Variants in HMMR observed in about 807,000 individuals in gnomAD.
HMMR encodes intracellular hyaluronic acid-binding protein.
Under a neutral mutation model 101.0 loss-of-function variants are expected in HMMR, and 108 were observed. The observed-to-expected ratio is 1.07, with a 90% CI of 0.92 to 1.25. The LOEUF (loss-of-function observed/expected upper bound fraction) is 1.25, where lower values mean the gene tolerates loss of function less well. HMMR is among the 50% of genes most tolerant of loss of function. The pLI is 0.00. For missense variants in HMMR, 813 were observed against 788.7 expected (o/e 1.03, Z -0.37); for synonymous variants, 296 against 276.4 (o/e 1.07, Z -0.70).
chr5:163,481,362 G>A (rs929927517), intron 12 of HMMR, among the ~76,000 whole-genome samples: 2 of 151,168 alleles, frequency 1.3e-5, no homozygotes, highest in African/African-American at 2.4e-5. Context: ...TTCCCTTCTC[G>A]TTAGTTTGAA....
chr5:163,469,893 C>A, intron 5 of HMMR, 64 bp downstream of exon 5: 4 of 1,094,812 alleles, frequency 3.7e-6, no homozygotes, highest in Non-Finnish European at 5.3e-6. Flanking sequence ...TAGGGCCGGG[C>A]ACGGTGGCTC....
chr5:163,478,924 C>T (rs746413486), intron 12 of HMMR, 124 bp downstream of exon 12: 9 of 582,160 alleles, frequency 1.5e-5, no homozygotes, highest in Non-Finnish European at 2.8e-5. Flanking sequence ...ATTCCATAAT[C>T]ACCAACCGTA....
rs758058682 is a variant in HMMR at position 163,473,268 on chromosome 5, A to G, written c.725+15A>G. ...GAAGAAATTAGGTAATATGAGCAGT[A>G]GCTTTAAATTGAACCTTATTTTTTT... On this transcript the variant is annotated intron_variant, in intron 8 of 17. Transcript: ENST00000393915. The G allele has an allele frequency of 4.0e-6, 6 of 1,514,492 alleles. No individual in the cohort carries two copies. The highest frequency in any genetic ancestry group is 4.6e-6 in the Non-Finnish European group (5 of 1,098,472). 93.8% of individuals were successfully genotyped at this position (1,514,492 alleles called of 1,614,324 possible).
rs1191135455 is a variant in HMMR at position 163,471,230 on chromosome 5, G to C, written c.508G>C (p.Glu170Gln). 1 of 1,612,972 alleles carries C rather than the reference G, an allele frequency of 6.2e-7. No individual in the cohort carries two copies. Among genetic ancestry groups the C allele is most frequent in the African/African-American group, 1.3e-5 (1 of 74,902 alleles). ...NQKNLRILSLELMKLRNKRET... is the reference protein window; with the variant it reads ...NQKNLRILSLQLMKLRNKRET... ...GAAGAATTTGAGAATTCTAAGCTTG[G>C]AGTTGATGAAACTTAGAAACAAAAG... Residue 170 changes from glutamate to glutamine, a missense_variant, in exon 6 of 18, where the codon GAG becomes CAG. Coordinates refer to ENST00000393915, the MANE Select transcript of HMMR (RefSeq NM_001142556.2).
rs1758889892 is a variant in HMMR, at chr5:163,471,467, A to G, written c.650+4A>G. 1 of 1,581,412 alleles carries G rather than the reference A, an allele frequency of 6.3e-7. No homozygotes were observed. Among genetic ancestry groups the G allele is most frequent in the Non-Finnish European group, 8.7e-7 (1 of 1,150,954 alleles). On this transcript the variant is annotated splice_donor_region_variant and intron_variant, in intron 7 of 17. Coordinates refer to ENST00000393915, the MANE Select transcript of HMMR (RefSeq NM_001142556.2). ...TAGCCCAACTGGAGGGAAAACTGTA[A>G]GTGAGTGAATGTGAAGAGAAATTGT... is the stretch of plus-strand genomic sequence containing the variant.
chr5:163,490,008 T>G (rs1759629353), intron 16 of HMMR, among the ~76,000 whole-genome samples: 1 of 152,222 alleles, frequency 6.6e-6, no homozygotes, highest in Non-Finnish European at 1.5e-5. Context: ...TCATTTGCTA[T>G]TTTTCCCTTA....
intron 10 of HMMR, among the ~76,000 whole-genome samples, chr5:163,475,239 G>A (rs937497413): frequency 1.2e-4 from 19 of 152,024 alleles, no homozygotes; most frequent in Middle Eastern, 3.4e-3. Flanking sequence ...CTGCATGTGC[G>A]TTGCATAGAA....
At chr5:163,473,128 T>C (rs781496187) in intron 7 of HMMR, 51 bp from the exon 8 acceptor site, 1 of 954,980 alleles carries the variant, frequency 1.0e-6, no homozygotes, top group South Asian at 1.4e-5. Flanking sequence ...TTATGTAAGA[T>C]TATTAAATAA....
intron 9 of HMMR, among the ~76,000 whole-genome samples, 159 bp from the exon 10 acceptor site, chr5:163,473,898 A>G (rs572582483): frequency 1.9e-4 from 29 of 152,060 alleles, no homozygotes; most frequent in Non-Finnish European, 4.0e-4. Context: ...AGCACATAGT[A>G]TATATTACAT....
intron 7 of HMMR, among the ~76,000 whole-genome samples, chr5:163,471,734 AT>A (rs1361341963): frequency 6.6e-6 from 1 of 152,234 alleles, no homozygotes; most frequent in Non-Finnish European, 1.5e-5. Context: ...GAAAGTGGTC[AT>A]TAGATTGAAA....
chr5:163,489,609 G>A (rs1390393730), intron 16 of HMMR, among the ~76,000 whole-genome samples: 1 of 152,150 alleles, frequency 6.6e-6, no homozygotes, highest in Non-Finnish European at 1.5e-5. Flanking sequence ...ACCTCCTGGT[G>A]TAGAACCATC....
rs750627951 is a variant in HMMR at position 163,478,726 on chromosome 5, G to A, written c.1311G>A (p.Gln437=). 2 of 1,613,608 alleles carry A rather than the reference G, an allele frequency of 1.2e-6. No homozygotes were observed. Among genetic ancestry groups the A allele is most frequent in the Non-Finnish European group, 1.7e-6 (2 of 1,179,584 alleles). Residue 437 remains glutamine, a synonymous_variant, in exon 12 of 18, where the codon CAG becomes CAA. Transcript: ENST00000393915. ...AGAAAAGTAGTGCTGCTCATACCCAGGCCACCCTGCTTTTGCAGGAAAAGT... is the reference window on the plus strand; with the variant it reads ...AGAAAAGTAGTGCTGCTCATACCCAAGCCACCCTGCTTTTGCAGGAAAAGT... The part of the protein sequence containing the change: ...ELEKSSAAHT[Q]ATLLLQEKYD...
chr5:163,469,667 T>C lies in HMMR; in HGVS notation c.300T>C (p.Gly100=), dbSNP rs752187614. ...TTCGTGTTCTTCTACAGGAACGTGG[T>C]GCCCAGGACAGGCGGATCCAGGATC... ...KEIRVLLQER[G]AQDRRIQDLE... The change falls in exon 5 of 18, where the codon GGT becomes GGC. Residue 100 remains glycine, a synonymous_variant. Transcript: ENST00000393915. 4 of 1,612,950 alleles carry C rather than the reference T, an allele frequency of 2.5e-6. No homozygotes were observed. Among genetic ancestry groups the C allele is most frequent in the East Asian group, 2.2e-5 (1 of 44,868 alleles).
chr5:163,472,599 T>C (rs1758933617), intron 7 of HMMR, among the ~76,000 whole-genome samples: 1 of 152,210 alleles, frequency 6.6e-6, no homozygotes, highest in Non-Finnish European at 1.5e-5. Flanking sequence ...CAACATTTAA[T>C]GTTGTCAGTC....
At chr5:163,475,711 A>G in intron 11 of HMMR, 39 bp downstream of exon 11, 1 of 1,018,430 alleles carries the variant, frequency 9.8e-7, no homozygotes, top group Non-Finnish European at 1.4e-6. Context: ...GTATGACTTC[A>G]GATGTATTTA....
intron 2 of HMMR, 144 bp from the exon 3 acceptor site, chr5:163,464,579 A>C: frequency 3.3e-6 from 2 of 611,720 alleles, no homozygotes; most frequent in Non-Finnish European, 5.8e-6. Context: ...ACACCACTGC[A>C]GTCCAGGCTG....
intron 12 of HMMR, among the ~76,000 whole-genome samples, chr5:163,479,171 A>G (rs1431087775): frequency 1.3e-5 from 2 of 152,162 alleles, no homozygotes; most frequent in Non-Finnish European, 2.9e-5. Context: ...TTCATAAAGA[A>G]TTCAGAAGTT....
intron 2 of HMMR, 113 bp downstream of exon 2, chr5:163,464,067 A>C: frequency 2.3e-6 from 1 of 427,446 alleles, no homozygotes. Context: ...CTAGAACTAT[A>C]TTTAAATTTT....
chr5:163,467,942 T>C (rs1394727142), intron 4 of HMMR, among the ~76,000 whole-genome samples, 194 bp downstream of exon 4: 1 of 152,226 alleles, frequency 6.6e-6, no homozygotes, highest in African/African-American at 2.4e-5. Context: ...TGTGGTATGC[T>C]GGCAACGCCG....
Sources: allele counts gnomAD v4.1 joint callset (sites outside exome capture counted in the v4.1 genomes callset), GRCh38; gene constraint gnomAD v4.1.1; transcripts MANE v1.5; gene names NCBI Gene and HGNC (gene_info 2026-07-23, HGNC 2026-07-21).